The following LRRD1 variants were observed in gnomAD, a reference collection of about 807,000 sequenced individuals.
LRRD1 encodes leucine rich repeats and death domain containing 1.
Under a neutral mutation model 69.5 loss-of-function variants are expected in LRRD1, and 49 were observed. That is an observed-to-expected ratio of 0.70 (90% CI 0.56 to 0.89). LRRD1 has a LOEUF of 0.89. Ranked by LOEUF, LRRD1 falls within the 40% of genes least tolerant of loss-of-function variation. The pLI, the probability that LRRD1 is intolerant of heterozygous loss-of-function variation, is 0.00. For synonymous variants in LRRD1, 303 were observed against 338.9 expected, an observed-to-expected ratio of 0.89 and a Z score of 1.16; for missense variants, 853 against 956.0, an observed-to-expected ratio of 0.89 and a Z score of 1.42.
chr7:92,151,942 T>C (rs928514043), intron 3 of LRRD1, among the ~76,000 whole-genome samples: 1 of 142,382 alleles, frequency 7.0e-6, no homozygotes. Context: ...AGAGCGGAAC[T>C]CCATCTCAAA....
chr7:92,174,503 A>ATTTTTTTTTTTTTTT (rs1190934761), intron 1 of LRRD1, among the ~76,000 whole-genome samples: 2 of 20,108 alleles, frequency 9.9e-5, no homozygotes, highest in African/African-American at 4.3e-4. Context: ...ATATATATAT[A>ATTTTTTTTTTTTTTT]TATATATTTT....
rs532045256 is a variant in LRRD1, at chr7:92,164,523, G to C, written c.680C>G (p.Pro227Arg). ...ATTCCCAAGCTGAGATATTTCTTTA[G>C]GTATATGTGATATGTGGTTATGACT... Reference protein sequence around the residue: ...NVSHNHISHIPKEISQLGNIR... With the variant: ...NVSHNHISHIRKEISQLGNIR... The change falls in exon 2 of 6, where the codon CCT (proline) becomes CGT (arginine). Residue 227 changes from proline (P) to arginine (R), a missense_variant. By Grantham distance (103) the Pro-to-Arg change is moderately radical. This residue lies in a region of LRRD1 where 739 missense variants were observed against 808.0 expected (regional missense o/e 0.91). Transcript: ENST00000458448. The C allele has an allele frequency of 2.6e-6, 4 of 1,549,834 alleles. No homozygotes were observed. The South Asian group carries it at 3.6e-5, about 14-fold the overall frequency.
intron 3 of LRRD1, among the ~76,000 whole-genome samples, chr7:92,151,282 C>T (rs1326962647): frequency 6.6e-6 from 1 of 152,074 alleles, no homozygotes; most frequent in Non-Finnish European, 1.5e-5. Flanking sequence ...TTTTTCATGA[C>T]CTTGACAGTT....
intron 3 of LRRD1, among the ~76,000 whole-genome samples, chr7:92,152,140 A>AGT (rs71528038): frequency 0.12 from 17,262 of 142,750 alleles, 1,143 homozygotes; most frequent in East Asian, 0.34. Context: ...TGCTTCTGGG[A>AGT]GTGTGTGTGT....
At chr7:92,149,698 A>G (rs1337642034) in intron 4 of LRRD1, among the ~76,000 whole-genome samples, 1 of 149,834 alleles carries the variant, frequency 6.7e-6, no homozygotes. Context: ...GGCCGAATGT[A>G]TTTTATTTAT....
chr7:92,146,429 C>A (rs1386691669), intron 4 of LRRD1, among the ~76,000 whole-genome samples: 1 of 151,224 alleles, frequency 6.6e-6, no homozygotes, highest in Admixed American at 6.6e-5. Flanking sequence ...ACCAGCCTGG[C>A]CAACATGCAA....
intron 3 of LRRD1, among the ~76,000 whole-genome samples, chr7:92,154,709 TTTTTGTTTTA>T (rs1788616236): frequency 6.6e-6 from 1 of 152,196 alleles, no homozygotes; most frequent in Non-Finnish European, 1.5e-5. Flanking sequence ...TATTTATTTG[TTTTTGTTTTA>T]TTTTGTTTTG....
At chr7:92,155,589 G>A (rs1485224666) in intron 3 of LRRD1, among the ~76,000 whole-genome samples, 1 of 151,980 alleles carries the variant, frequency 6.6e-6, no homozygotes, top group Admixed American at 6.6e-5. Context: ...TTCTCCAGAG[G>A]GACAGGACTA....
At chr7:92,175,315 AGAGATGATCCACTCAAATTGAGTAATTT>A in intron 1 of LRRD1, among the ~76,000 whole-genome samples, 1 of 152,270 alleles carries the variant, frequency 6.6e-6, no homozygotes, top group African/African-American at 2.4e-5. Flanking sequence ...CCTACAAGAA[AGAGATGATCCACTCAAATTGAGTAATTT>A]GAGGAAACTT....
At chr7:92,153,051 A>T (rs999220242) in intron 3 of LRRD1, among the ~76,000 whole-genome samples, 1 of 151,826 alleles carries the variant, frequency 6.6e-6, no homozygotes, top group Non-Finnish European at 1.5e-5. Flanking sequence ...TAATATTTTC[A>T]TATGCTTCTT....
In LRRD1 at chr7:92,156,879, T is replaced by C. The variant is rs537470740; in HGVS notation, c.2116+2126A>G. ...ATAGTGGAAAATAAATCGTTTACCA[T>C]GGAGTGTGATATTAGCTATAGGAGT... On this transcript the variant is annotated intron_variant, in intron 3 of 5. Coordinates refer to ENST00000458448, the MANE Select transcript of LRRD1 (RefSeq NM_001161528.2). Among the ~76,000 whole-genome samples the C allele has an allele frequency of 5.3e-5, 8 of 152,304 alleles. No individual in the cohort carries two copies. The East Asian group carries it at 1.2e-3, about 22-fold the overall frequency.
At chr7:92,160,585 G>A (rs1788774990) in intron 2 of LRRD1, among the ~76,000 whole-genome samples, 1 of 152,156 alleles carries the variant, frequency 6.6e-6, no homozygotes, top group African/African-American at 2.4e-5. Context: ...ACTTTGGGAG[G>A]CCAAGGTGGG....
At chr7:92,148,213 G>A (rs1820377120) in intron 4 of LRRD1, among the ~76,000 whole-genome samples, 1 of 151,708 alleles carries the variant, frequency 6.6e-6, no homozygotes, top group African/African-American at 2.4e-5. Context: ...ATTTTTTGTA[G>A]AGACAGGGTC....
intron 1 of LRRD1, among the ~76,000 whole-genome samples, chr7:92,165,861 C>CAAAAA: frequency 2.4e-5 from 1 of 41,702 alleles, no homozygotes; most frequent in Admixed American, 2.6e-4. Context: ...AACTCCATCT[C>CAAAAA]AAAAAAAAAA....
rs1429064147 is a variant in LRRD1, at chr7:92,150,563, C to T, written c.2249G>A (p.Arg750His). The change falls in exon 4 of 6, where the codon CGC (arginine) becomes CAC (histidine). Residue 750 changes from arginine to histidine, a missense_variant. Arg to His is a conservative substitution (Grantham distance 29). Transcript: ENST00000458448. ...TCTTTCATCTGCCCTCTGTAGATAGCGTGCAATAGTATACAACTGTTTTCC... is the reference window on the plus strand; with the variant it reads ...TCTTTCATCTGCCCTCTGTAGATAGTGTGCAATAGTATACAACTGTTTTCC... The part of the protein sequence containing the change: ...CKGKQLYTIA[R>H]YLQRADERDE... 13 of 1,549,152 alleles carry T rather than the reference C, an allele frequency of 8.4e-6. No individual in the cohort carries two copies. The highest frequency in any genetic ancestry group is 9.6e-6 in the Non-Finnish European group (11 of 1,145,768).
At chr7:92,174,965 C>T (rs938245283) in intron 1 of LRRD1, among the ~76,000 whole-genome samples, 3 of 151,860 alleles carry the variant, frequency 2.0e-5, no homozygotes, top group East Asian at 3.9e-4. Context: ...CTACTTGGGA[C>T]GCTGAGGCAG....
Position 92,164,010 on chromosome 7 carries a change from T to C in LRRD1, c.1193A>G (p.Glu398Gly). The C allele has an allele frequency of 6.5e-7, 1 of 1,538,480 alleles. No homozygotes were observed. Residue 398 changes from glutamate (E) to glycine (G), a missense_variant, in exon 2 of 6, where the codon GAA (glutamate) becomes GGA (glycine). Coordinates refer to ENST00000458448, the MANE Select transcript of LRRD1 (RefSeq NM_001161528.2). ...PEKISCCAML[E>G]CLSLSDNKLT... ...TTTATTATCACTAAGACTAAGGCAT[T>C]CCAACATTGCACAGCAAGATATTTT... is the stretch of plus-strand genomic sequence containing the variant.
At chr7:92,149,500 C>T (rs1820412908) in intron 4 of LRRD1, among the ~76,000 whole-genome samples, 2 of 152,158 alleles carry the variant, frequency 1.3e-5, no homozygotes, top group Non-Finnish European at 2.9e-5. Context: ...TGAAGATTCC[C>T]TCCCAGACAC....
rs1225400555 is a variant in LRRD1, at chr7:92,176,783, G to A, written c.-75+2224C>T. 5.9e-5 allele frequency among the ~76,000 whole-genome samples: 9 copies of A among 151,598 alleles called. No homozygotes were observed. The East Asian group carries it at 9.7e-4, about 16-fold the overall frequency. The stretch of plus-strand genomic sequence containing the variant: ...TCTGCATGTTAGTCAGGCTGGTCTC[G>A]AACTCCTGACCTCAGGTGATCCACT... On this transcript the variant is annotated intron_variant, in intron 1 of 5. Transcript: ENST00000458448.
Sources: gnomAD v4.1 joint callset for allele counts (sites outside exome capture counted in the v4.1 genomes callset) on GRCh38, gnomAD v4.1.1 for gene constraint, gnomAD v4.1.1 regional missense constraint, MANE v1.5 for transcripts, NCBI Gene and HGNC (gene_info 2026-07-23, HGNC 2026-07-21) for gene names.